The following NRL variants were observed in gnomAD, a reference collection of about 807,000 sequenced individuals.
NRL encodes neural retina leucine zipper, also known as neural retina-specific leucine zipper protein.
In NRL, 16 loss-of-function variants were observed where a neutral mutation model predicts 12.5. The ratio of observed to expected loss-of-function variants is 1.28; its 90% CI spans 0.87 to 1.95. The LOEUF is 1.95. NRL is among the 30% of genes most tolerant of loss of function. NRL has a pLI of 0.00. For synonymous variants in NRL, 142 were observed against 150.9 expected, an observed-to-expected ratio of 0.94 and a Z score of 0.43; for missense variants, 314 against 325.8, an observed-to-expected ratio of 0.96 and a Z score of 0.28.
Position 24,085,120 on chromosome 14 carries a change from A to C in NRL, c.-27-2245T>G, listed in dbSNP as rs572583940. 6.6e-6 allele frequency among the ~76,000 whole-genome samples: 1 copy of C among 152,350 alleles called. No homozygotes were observed. Among genetic ancestry groups the C allele is most frequent in the Admixed American group, 6.5e-5 (1 of 15,300 alleles). ...ACATTTCTACCTCTGCCCCATCTTC[A>C]TGCTGACTGGTCTTATGCCCCTCAT... On this transcript the variant is annotated intron_variant, in intron 1 of 2. Transcript: ENST00000561028. The surrounding 1 kb of genome is among the most constrained non-coding windows in gnomAD (Gnocchi z 4.1).
chr14:24,104,359 G>C (rs1264955305), intron 1 of NRL, among the ~76,000 whole-genome samples: 1 of 151,920 alleles, frequency 6.6e-6, no homozygotes, highest in African/African-American at 2.4e-5. Flanking sequence ...GCTGGGTGTG[G>C]TGGTTCACGC....
intron 1 of NRL, chr14:24,103,666 A>C: frequency 6.2e-7 from 1 of 1,614,200 alleles, no homozygotes; most frequent in East Asian, 2.2e-5. Context: ...GAGGCAGGGC[A>C]CTTCCTGTGG....
chr14:24,083,638 C>T (rs1011337706), intron 1 of NRL, among the ~76,000 whole-genome samples: 1 of 152,212 alleles, frequency 6.6e-6, no homozygotes, highest in South Asian at 2.1e-4. Context: ...CCTTCTGACC[C>T]GTTTTCCCTT....
At chr14:24,089,781 A>G in intron 1 of NRL, among the ~76,000 whole-genome samples, 1 of 152,222 alleles carries the variant, frequency 6.6e-6, no homozygotes, top group Non-Finnish European at 1.5e-5. Context: ...ATGCTAAACC[A>G]AGACTGGTCA....
At chr14:24,083,051 AG>A (rs1346992933) in intron 1 of NRL, among the ~76,000 whole-genome samples, 176 bp from the exon 2 acceptor site, 1 of 152,216 alleles carries the variant, frequency 6.6e-6, no homozygotes, top group Non-Finnish European at 1.5e-5. Flanking sequence ...AACCTTTCAG[AG>A]GGCAGGGGCT....
intron 1 of NRL, among the ~76,000 whole-genome samples, chr14:24,105,211 C>T (rs959139834): frequency 1.3e-5 from 2 of 152,212 alleles, no homozygotes; most frequent in Admixed American, 6.5e-5. Context: ...AGGCACAGAT[C>T]GCTCATGCTA....
rs2036444038 is a variant in NRL at position 24,085,513 on chromosome 14, G to A, written c.-27-2638C>T. The stretch of plus-strand genomic sequence containing the variant: ...GAGCTATCATCCCTGAGTAGGAGTG[G>A]GAACAGGGATACTAGGAATTATCCA... On this transcript the variant is annotated intron_variant, in intron 1 of 2. Transcript: ENST00000561028. The surrounding 1 kb of genome is among the most constrained non-coding windows in gnomAD (Gnocchi z 4.1). Among the ~76,000 whole-genome samples the A allele has an allele frequency of 6.6e-6, 1 of 152,150 alleles. No individual in the cohort carries two copies. Among genetic ancestry groups the A allele is most frequent in the Non-Finnish European group, 1.5e-5 (1 of 68,028 alleles).
intron 1 of NRL, chr14:24,099,448 A>T: frequency 8.9e-7 from 1 of 1,117,704 alleles, no homozygotes; most frequent in Non-Finnish European, 1.3e-6. Context: ...TCACTTATAT[A>T]GTTAATAAAC....
chr14:24,099,047 A>G (rs1594296916), intron 1 of NRL: 1 of 1,597,884 alleles, frequency 6.3e-7, no homozygotes, highest in Non-Finnish European at 8.6e-7. Context: ...CATTGTCCCC[A>G]GGGGAGCCAG....
intron 1 of NRL, chr14:24,103,912 A>G (rs774252034): frequency 3.3e-5 from 53 of 1,614,094 alleles, no homozygotes; most frequent in Non-Finnish European, 4.4e-5. Context: ...GATCTGCCCA[A>G]AGAGGTGTTG....
At position 24,081,496 on chromosome 14, in the gene NRL, A is replaced by G; in HGVS notation, c.454T>C (p.Cys152Arg). 1 of 1,598,702 alleles carries G rather than the reference A, an allele frequency of 6.3e-7. No homozygotes were observed. The highest frequency in any genetic ancestry group is 1.7e-5 in the Admixed American group (1 of 58,206). ...AGCCGCAGCGCCTCGTCGCGCCCGC[A>G]GCCCCGCAGCTGCCGGTTTAGCTCC... ...VRELNRQLRGCGRDEALRLKQ... is the reference protein window; with the variant it reads ...VRELNRQLRGRGRDEALRLKQ... Residue 152 changes from cysteine to arginine, a missense_variant, in exon 3 of 3, where the codon TGC (cysteine) becomes CGC (arginine). Physicochemically the swap from Cys to Arg is radical, Grantham distance 180 (BLOSUM62 -3). Transcript: ENST00000561028. This position sits in a 1 kb window ranked among gnomAD's most constrained non-coding sequence, Gnocchi z 4.4.
intron 1 of NRL, among the ~76,000 whole-genome samples, chr14:24,105,897 T>C (rs2037331153): frequency 6.6e-6 from 1 of 152,138 alleles, no homozygotes; most frequent in South Asian, 2.1e-4. Flanking sequence ...AGAGCAAGAC[T>C]CTGTCTCAAA....
chr14:24,098,732 G>A, intron 1 of NRL: 1 of 1,483,830 alleles, frequency 6.7e-7, no homozygotes, highest in Non-Finnish European at 9.3e-7. Context: ...GTACTCAGAG[G>A]AAATCCCAAA....
Position 24,078,782 on chromosome 14 carries a change from C to A in NRL, c.*2454G>T, listed in dbSNP as rs2036194510. Reference sequence around the variant, plus strand: ...ACAATCAAGTGAGGCTTGATTTTAACCCACCCATGGTCAAAAAACTGGTAG... The same window carrying A: ...ACAATCAAGTGAGGCTTGATTTTAAACCACCCATGGTCAAAAAACTGGTAG... On this transcript the variant is annotated 3_prime_UTR_variant, in exon 3 of 3. Coordinates refer to ENST00000561028, the MANE Select transcript of NRL (RefSeq NM_001354768.3). Among the ~76,000 whole-genome samples, 1 of 152,142 alleles carries A rather than the reference C, an allele frequency of 6.6e-6. No homozygotes were observed. The highest frequency in any genetic ancestry group is 1.5e-5 in the Non-Finnish European group (1 of 68,022).
rs17101347 is a variant in NRL at position 24,114,903 on chromosome 14, G to T, written c.-209C>A. Reference sequence around the variant, plus strand: ...TAAACAAGGCCTCGCGCCGCTGCGGGTCCTGCGACCGCTCCTGGCTGGTGG... The same window carrying T: ...TAAACAAGGCCTCGCGCCGCTGCGGTTCCTGCGACCGCTCCTGGCTGGTGG... On this transcript the variant is annotated 5_prime_UTR_variant, in exon 1 of 3. Coordinates refer to ENST00000561028, the MANE Select transcript of NRL (RefSeq NM_001354768.3). The T allele has an allele frequency of 4.5e-3, 4,451 of 985,944 alleles. 155 individuals carry two copies. The African/African-American group carries it at 0.073, about 16-fold the overall frequency. 61.1% of individuals were successfully genotyped at this position (985,944 alleles called of 1,614,324 possible).
chr14:24,101,430 G>A (rs1486480800), intron 1 of NRL, among the ~76,000 whole-genome samples: 1 of 152,128 alleles, frequency 6.6e-6, no homozygotes, highest in African/African-American at 2.4e-5. Context: ...GTCCACTCAG[G>A]GGCCACACAG....
At chr14:24,091,998 T>A (rs2036645748) in intron 1 of NRL, among the ~76,000 whole-genome samples, 1 of 152,188 alleles carries the variant, frequency 6.6e-6, no homozygotes, top group Non-Finnish European at 1.5e-5. Context: ...TTTTCCTTGA[T>A]TCTTCCCTTA....
chr14:24,102,192 C>T (rs954189449), intron 1 of NRL, among the ~76,000 whole-genome samples: 5 of 152,190 alleles, frequency 3.3e-5, no homozygotes, highest in African/African-American at 1.2e-4. Context: ...TGCACCACTG[C>T]ACTACAGCCT....
At chr14:24,102,689 T>C (rs1005789046) in intron 1 of NRL, 64 of 1,375,002 alleles carry the variant, frequency 4.7e-5, no homozygotes, top group Non-Finnish European at 6.2e-5. Flanking sequence ...TGTGTGCCCA[T>C]GTATGTGTGT....
Sources: allele counts gnomAD v4.1 joint callset (sites outside exome capture counted in the v4.1 genomes callset), GRCh38; gene constraint gnomAD v4.1.1; non-coding constraint Gnocchi (gnomAD v3.1); transcripts MANE v1.5; gene names NCBI Gene and HGNC (gene_info 2026-07-23, HGNC 2026-07-21).